Variants in HACD2 observed in about 807,000 individuals in gnomAD.
HACD2 encodes 3-hydroxyacyl-CoA dehydratase 2.
A neutral mutation model predicts 31.0 loss-of-function variants in HACD2; 15 were observed. The ratio of observed to expected loss-of-function variants is 0.48; its 90% CI spans 0.32 to 0.75. The LOEUF (loss-of-function observed/expected upper bound fraction) is 0.75, where lower values mean the gene tolerates loss of function less well. Ranked by LOEUF, HACD2 falls within the 30% of genes least tolerant of loss-of-function variation. HACD2 has a pLI of 0.03. For synonymous variants in HACD2, 115 were observed against 122.2 expected (o/e 0.94, Z 0.39); for missense variants, 283 against 313.0 (o/e 0.90, Z 0.72).
chr3:123,550,248 C>G (rs771976885), intron 3 of HACD2, among the ~76,000 whole-genome samples: 2 of 152,138 alleles, frequency 1.3e-5, no homozygotes, highest in Non-Finnish European at 2.9e-5. Context: ...AAACTCAAAT[C>G]CCCTAAAGGA....
intron 3 of HACD2, among the ~76,000 whole-genome samples, chr3:123,536,503 T>C (rs1164165830): frequency 6.6e-6 from 1 of 152,158 alleles, no homozygotes; most frequent in South Asian, 2.1e-4. Context: ...AACTGGAAGA[T>C]ACTATGGAAA....
At chr3:123,584,750 G>T in intron 1 of HACD2, 123 bp downstream of exon 1, 1 of 743,168 alleles carries the variant, frequency 1.3e-6, no homozygotes, top group Non-Finnish European at 1.9e-6. Context: ...CGGGTCCCGG[G>T]CACCCCCCGC....
At chr3:123,538,882 T>C (rs1352244517) in intron 3 of HACD2, among the ~76,000 whole-genome samples, 3 of 152,182 alleles carry the variant, frequency 2.0e-5, no homozygotes, top group Non-Finnish European at 2.9e-5. Context: ...TCATATGGCA[T>C]TCAAATGAAG....
At chr3:123,547,256 C>A (rs1286218206) in intron 3 of HACD2, among the ~76,000 whole-genome samples, 1 of 152,110 alleles carries the variant, frequency 6.6e-6, no homozygotes, top group East Asian at 1.9e-4. Context: ...AAATTTCCAC[C>A]CATAAGCATT....
intron 3 of HACD2, among the ~76,000 whole-genome samples, chr3:123,556,904 C>A (rs192687577): frequency 6.6e-6 from 1 of 152,330 alleles, no homozygotes; most frequent in East Asian, 1.9e-4. Flanking sequence ...TACCACTACA[C>A]GCCTATTAGA....
At chr3:123,504,001 T>C (rs1576729518) in intron 4 of HACD2, among the ~76,000 whole-genome samples, 1 of 152,206 alleles carries the variant, frequency 6.6e-6, no homozygotes, top group East Asian at 1.9e-4. Flanking sequence ...AAGAATTTCA[T>C]AAATGCAGTT....
chr3:123,499,131 C>G (rs777749600), intron 6 of HACD2, among the ~76,000 whole-genome samples: 1 of 152,184 alleles, frequency 6.6e-6, no homozygotes, highest in Non-Finnish European at 1.5e-5. Context: ...GTACATATCT[C>G]CTATTCATTT....
chr3:123,502,492 A>G (rs2055914624), intron 5 of HACD2, 68 bp downstream of exon 5: 3 of 1,517,102 alleles, frequency 2.0e-6, no homozygotes, highest in African/African-American at 2.8e-5. Context: ...GGCAATATTT[A>G]GGCAATAAAG....
chr3:123,552,823 C>T (rs2056634048), intron 3 of HACD2, among the ~76,000 whole-genome samples: 1 of 151,684 alleles, frequency 6.6e-6, no homozygotes, highest in Non-Finnish European at 1.5e-5. Flanking sequence ...GAAATGAAGA[C>T]TAAATTTCAA....
chr3:123,572,350 T>A (rs151167938), intron 2 of HACD2, among the ~76,000 whole-genome samples: 58 of 152,070 alleles, frequency 3.8e-4, no homozygotes, highest in African/African-American at 1.2e-3. Flanking sequence ...CTACAAAAAA[T>A]TTTAAAAACT....
intron 3 of HACD2, among the ~76,000 whole-genome samples, chr3:123,551,475 A>G (rs935758120): frequency 6.6e-6 from 1 of 151,926 alleles, no homozygotes; most frequent in African/African-American, 2.4e-5. Context: ...ATATATAAAA[A>G]TTAGCCAGGC....
intron 4 of HACD2, among the ~76,000 whole-genome samples, chr3:123,520,445 T>C (rs2056199559): frequency 6.6e-6 from 1 of 152,218 alleles, no homozygotes; most frequent in South Asian, 2.1e-4. Context: ...CTATTTAAAA[T>C]ACAATTACAC....
At chr3:123,555,562 C>T (rs2107735483) in intron 3 of HACD2, among the ~76,000 whole-genome samples, 1 of 152,106 alleles carries the variant, frequency 6.6e-6, no homozygotes, top group East Asian at 1.9e-4. Flanking sequence ...AACTGCAAAA[C>T]AATGATAAAA....
chr3:123,514,997 G>A (rs1322902362), intron 4 of HACD2, among the ~76,000 whole-genome samples: 1 of 152,216 alleles, frequency 6.6e-6, no homozygotes, highest in Non-Finnish European at 1.5e-5. Context: ...ACAGAAATTT[G>A]TCATTAAATT....
chr3:123,579,420 C>G (rs1402572213), intron 2 of HACD2, among the ~76,000 whole-genome samples: 2 of 151,716 alleles, frequency 1.3e-5, no homozygotes, highest in Non-Finnish European at 1.5e-5. Context: ...TTTCAGCCTC[C>G]CAAGTAGCTG....
At chr3:123,563,491 T>C (rs1288172776) in intron 3 of HACD2, among the ~76,000 whole-genome samples, 1 of 152,200 alleles carries the variant, frequency 6.6e-6, no homozygotes, top group Non-Finnish European at 1.5e-5. Context: ...ATGCTCAGAA[T>C]GGTCCTATAA....
intron 2 of HACD2, among the ~76,000 whole-genome samples, chr3:123,569,979 A>G (rs2056835264): frequency 8.1e-6 from 1 of 123,452 alleles, no homozygotes. Context: ...AGAGAGCAAC[A>G]CTCCATCTCA....
Position 123,567,788 on chromosome 3 carries a change from A to C in HACD2, c.274-8T>G, listed in dbSNP as rs2107748105. 6.8e-7 allele frequency: 1 copy of C among 1,477,634 alleles called. No homozygotes were observed. Among genetic ancestry groups the C allele is most frequent in the East Asian group, 2.4e-5 (1 of 41,120 alleles). 91.5% of individuals were successfully genotyped at this position (1,477,634 alleles called of 1,614,324 possible). A position where few individuals can be genotyped will look rare whatever the true frequency, so the allele number is the denominator to read the frequency against. On this transcript the variant is annotated splice_polypyrimidine_tract_variant and splice_region_variant and intron_variant, in intron 2 of 6. Coordinates refer to ENST00000383657, the MANE Select transcript of HACD2 (RefSeq NM_198402.5). ...TATAGCACAATGTAAAATCTAGAGG[A>C]AAAAAGGGGAAAAAAGAGGAGAATT...
chr3:123,540,854 T>C (rs1269941618), intron 3 of HACD2, among the ~76,000 whole-genome samples: 3 of 152,348 alleles, frequency 2.0e-5, no homozygotes, highest in East Asian at 3.9e-4. Context: ...TGCTAACTTA[T>C]ACTAATAACC....
Sources: gnomAD v4.1 joint callset for allele counts (sites outside exome capture counted in the v4.1 genomes callset) on GRCh38, gnomAD v4.1.1 for gene constraint, MANE v1.5 for transcripts, NCBI Gene and HGNC (gene_info 2026-07-23, HGNC 2026-07-21) for gene names.